The following TUBGCP5 variants were observed in gnomAD, a reference collection of about 807,000 sequenced individuals.
TUBGCP5 encodes tubulin gamma complex component 5.
A neutral mutation model predicts 134.7 loss-of-function variants in TUBGCP5; 98 were observed. The ratio of observed to expected loss-of-function variants is 0.73; its 90% CI spans 0.62 to 0.86. TUBGCP5 has a LOEUF of 0.86. Ranked by LOEUF, TUBGCP5 falls within the 40% of genes least tolerant of loss-of-function variation. The pLI, the probability that TUBGCP5 is intolerant of heterozygous loss-of-function variation, is 0.00. For synonymous variants in TUBGCP5, 456 were observed against 431.4 expected (o/e 1.06, Z -0.71); for missense variants, 1,150 against 1,244.8 (o/e 0.92, Z 1.15).
At chr15:22,996,086 C>T (rs550849266), downstream of TUBGCP5, among the ~76,000 whole-genome samples, 146 of 152,320 alleles carry the variant, frequency 9.6e-4, 1 homozygote, top group Non-Finnish European at 1.4e-3. Flanking sequence ...CAAATCTCTG[C>T]GTGGACGCAT....
At chr15:23,009,138 C>T (rs1025712282) in intron 15 of TUBGCP5, among the ~76,000 whole-genome samples, 2 of 152,016 alleles carry the variant, frequency 1.3e-5, no homozygotes, top group Non-Finnish European at 2.9e-5. Context: ...AAAAAAAAAT[C>T]CAAATCCCAT....
At chr15:23,014,027 A>G (rs990506013) in intron 13 of TUBGCP5, among the ~76,000 whole-genome samples, 19 of 152,172 alleles carry the variant, frequency 1.2e-4, no homozygotes, top group African/African-American at 4.6e-4. Flanking sequence ...CTGCCACTGC[A>G]CTTTCAGACA....
In TUBGCP5 at chr15:23,039,404, T is replaced by C. The variant is rs748766914; in HGVS notation, c.140A>G (p.Asn47Ser). The C allele has an allele frequency of 1.0e-5, 15 of 1,497,508 alleles. No homozygotes were observed. Among genetic ancestry groups the C allele is most frequent in the Middle Eastern group, 1.7e-4 (1 of 5,722 alleles). 92.8% of individuals were successfully genotyped at this position (1,497,508 alleles called of 1,614,324 possible). The change falls in exon 1 of 23, where the codon AAC becomes AGC. Residue 47 changes from asparagine (N) to serine (S), a missense_variant. Coordinates refer to ENST00000615383, the MANE Select transcript of TUBGCP5 (RefSeq NM_052903.6). ...CGCGCGCCGTGCCCCACACCTGAAG[T>C]TGGACCAGGCGAAGTTTAGGGCGAG... is the stretch of plus-strand genomic sequence containing the variant. ...FQLALNFAWS[N>S]FRFHRFLDVN...
chr15:23,031,038 T>C lies in TUBGCP5; in HGVS notation c.487-18A>G, dbSNP rs776784028. ...GACCAATTCTGATTTAAAAAAGAGA[T>C]ACACTTTAGCTTTACAGAGTATAAC... On this transcript the variant is annotated intron_variant, in intron 5 of 22. Transcript: ENST00000615383. 4 of 1,604,448 alleles carry C rather than the reference T, an allele frequency of 2.5e-6. No homozygotes were observed. In the East Asian group the frequency reaches 6.7e-5, roughly 27 times the overall value.
intron 23 of TUBGCP5, among the ~76,000 whole-genome samples, chr15:22,992,048 T>G: frequency 6.6e-6 from 1 of 152,168 alleles, no homozygotes; most frequent in Non-Finnish European, 1.5e-5. Flanking sequence ...CTCTGGTCTC[T>G]CTTAGTCATT....
chr15:23,038,796 TA>T, intron 1 of TUBGCP5, among the ~76,000 whole-genome samples: 1 of 152,166 alleles, frequency 6.6e-6, no homozygotes, highest in Admixed American at 6.5e-5. Flanking sequence ...TGTAAGTCTT[TA>T]AAAATTAGTT....
intron 11 of TUBGCP5, among the ~76,000 whole-genome samples, chr15:23,021,179 C>T (rs547809919): frequency 3.1e-4 from 47 of 152,186 alleles, no homozygotes; most frequent in Non-Finnish European, 5.6e-4. Flanking sequence ...GTATGTTGCC[C>T]GGGCTGGTCT....
At chr15:23,024,602 A>G (rs2065888779) in intron 9 of TUBGCP5, 135 bp downstream of exon 9, 1 of 553,264 alleles carries the variant, frequency 1.8e-6, no homozygotes, top group Non-Finnish European at 3.1e-6. Context: ...AATATTTTTA[A>G]GTTAGCTTTT....
At chr15:23,000,267 C>T in intron 22 of TUBGCP5, 1 of 1,246,318 alleles carries the variant, frequency 8.0e-7, no homozygotes, top group African/African-American at 1.5e-5. Context: ...GAAATAGTTA[C>T]AAAAACTACA....
downstream of TUBGCP5, among the ~76,000 whole-genome samples, chr15:22,998,354 C>T (rs917114233): frequency 1.3e-5 from 2 of 151,698 alleles, no homozygotes; most frequent in Admixed American, 6.5e-5. Context: ...TATGTACCAA[C>T]AGTTGGCCCT....
At chr15:22,992,441 G>A (rs1455730744) in intron 23 of TUBGCP5, among the ~76,000 whole-genome samples, 3 of 152,092 alleles carry the variant, frequency 2.0e-5, no homozygotes, top group African/African-American at 4.8e-5. Context: ...GCAAGTCCAC[G>A]ATTATCCACA....
At chr15:22,985,631 T>C (rs1487429837) in intron 23 of TUBGCP5, among the ~76,000 whole-genome samples, 2 of 152,166 alleles carry the variant, frequency 1.3e-5, no homozygotes, top group African/African-American at 4.8e-5. Flanking sequence ...GGAATATTAC[T>C]CAGCAATAAA....
rs182523042 is a variant in TUBGCP5 at position 23,024,682 on chromosome 15, T to A, written c.921+55A>T. The A allele has an allele frequency of 1.2e-3, 1,110 of 923,872 alleles. 14 individuals carry two copies. Among genetic ancestry groups the A allele is most frequent in the Non-Finnish European group, 1.8e-4 (111 of 607,728 alleles). 57.2% of individuals were successfully genotyped at this position (923,872 alleles called of 1,614,324 possible). ...TATTGTAAAATGTTCTAAAATTATATTACTAGTTTACATAAATCCTATTTC... is the reference window on the plus strand; with the variant it reads ...TATTGTAAAATGTTCTAAAATTATAATACTAGTTTACATAAATCCTATTTC... On this transcript the variant is annotated intron_variant, in intron 9 of 22. Coordinates refer to ENST00000615383, the MANE Select transcript of TUBGCP5 (RefSeq NM_052903.6).
chr15:23,023,452 C>T lies in TUBGCP5; in HGVS notation c.1168+495G>A, dbSNP rs139475850. 721 of 156,254 alleles carry T rather than the reference C, an allele frequency of 4.6e-3. 3 individuals carry two copies. Among genetic ancestry groups the T allele is most frequent in the Non-Finnish European group, 5.2e-3 (368 of 70,562 alleles). The allele number at this position is 156,254 out of a possible 1,614,324, so 9.7% of individuals were successfully genotyped here. A position where few individuals can be genotyped will look rare whatever the true frequency, so the allele number is the denominator to read the frequency against. Reference sequence around the variant, plus strand: ...GCAATAGCAAAAGCCTGGGAACAACCTAAATCCATTAAGGGGACTGGGCTA... The same window carrying T: ...GCAATAGCAAAAGCCTGGGAACAACTTAAATCCATTAAGGGGACTGGGCTA... On this transcript the variant is annotated intron_variant, in intron 10 of 22. Transcript: ENST00000615383.
intron 20 of TUBGCP5, 118 bp downstream of exon 20, chr15:23,003,983 TG>T: frequency 5.3e-6 from 7 of 1,323,318 alleles, no homozygotes; most frequent in South Asian, 1.6e-5. Flanking sequence ...TCATTTCATC[TG>T]GTTCTTCCTT....
chr15:23,029,343 T>C (rs1364535195), intron 6 of TUBGCP5, among the ~76,000 whole-genome samples: 1 of 152,154 alleles, frequency 6.6e-6, no homozygotes, highest in East Asian at 1.9e-4. Context: ...TGCTTCAGCC[T>C]CCCAGGTAGC....
Position 23,025,823 on chromosome 15 carries a change from T to C in TUBGCP5, c.827+293A>G, listed in dbSNP as rs1397566046. 5.0e-5 allele frequency among the ~76,000 whole-genome samples: 7 copies of C among 138,726 alleles called. No individual in the cohort carries two copies. In the East Asian group the frequency reaches 1.3e-3, roughly 25 times the overall value. The allele number at this position is 138,726 out of a possible 152,430, so 91.0% of individuals were successfully genotyped here. On this transcript the variant is annotated intron_variant, in intron 8 of 22. Transcript: ENST00000615383. ...TCCAGCCTGAGCAACAGAGTGAGACTCCGTCTCAAAAAAAAAAAAAAAAAA... is the reference window on the plus strand; with the variant it reads ...TCCAGCCTGAGCAACAGAGTGAGACCCCGTCTCAAAAAAAAAAAAAAAAAA...
At chr15:23,022,360 G>A (rs573570867) in intron 10 of TUBGCP5, among the ~76,000 whole-genome samples, 199 bp from the exon 11 acceptor site, 57 of 152,176 alleles carry the variant, frequency 3.7e-4, no homozygotes, top group African/African-American at 1.3e-3. Flanking sequence ...CAACTCAGCA[G>A]AAAAATAATG....
chr15:22,995,216 C>T (rs2064012947), downstream of TUBGCP5, among the ~76,000 whole-genome samples: 1 of 151,706 alleles, frequency 6.6e-6, no homozygotes, highest in African/African-American at 2.4e-5. Context: ...TGCACTCCAG[C>T]CTGGGGGACA....
Sources: allele counts gnomAD v4.1 joint callset (sites outside exome capture counted in the v4.1 genomes callset), GRCh38; gene constraint gnomAD v4.1.1; transcripts MANE v1.5; gene names NCBI Gene and HGNC (gene_info 2026-07-23, HGNC 2026-07-21).